The following PHACTR3 variants were observed in gnomAD, a reference collection of about 807,000 sequenced individuals.
PHACTR3 encodes the protein protein phosphatase 1, regulatory subunit 123.
A neutral mutation model predicts 66.8 loss-of-function variants in PHACTR3; 16 were observed. The observed-to-expected ratio is 0.24, with a 90% CI of 0.16 to 0.36. The LOEUF is 0.36. Among genes scored for constraint, PHACTR3 ranks in the 10% least tolerant of loss-of-function variants. The pLI is 1.00. For synonymous variants in PHACTR3, 323 were observed against 292.1 expected, an observed-to-expected ratio of 1.11 and a Z score of -1.08; for missense variants, 647 against 719.9, an observed-to-expected ratio of 0.90 and a Z score of 1.16.
At chr20:59,835,370 A>G (rs2042497404) in intron 8 of PHACTR3, among the ~76,000 whole-genome samples, 1 of 152,192 alleles carries the variant, frequency 6.6e-6, no homozygotes, top group Admixed American at 6.5e-5. Flanking sequence ...GGGGAGCAGA[A>G]CCACAAAGGG....
chr20:59,763,736 C>CAT (rs2040081946), intron 4 of PHACTR3, among the ~76,000 whole-genome samples: 1 of 152,124 alleles, frequency 6.6e-6, no homozygotes, highest in African/African-American at 2.4e-5. Context: ...CCTGGGGCAG[C>CAT]CCAGGTGGAC....
chr20:59,750,821 C>A, intron 3 of PHACTR3, among the ~76,000 whole-genome samples: 1 of 138,020 alleles, frequency 7.2e-6, no homozygotes, highest in Non-Finnish European at 1.6e-5. Context: ...TGTGTGCCAC[C>A]TGTAATCAAC....
At chr20:59,699,392 TA>T (rs1324239603) in intron 1 of PHACTR3, among the ~76,000 whole-genome samples, 2 of 152,192 alleles carry the variant, frequency 1.3e-5, no homozygotes, top group Non-Finnish European at 2.9e-5. Context: ...TTGTGACTCC[TA>T]AACCCTGGAC....
At chr20:59,794,408 T>G (rs926252242) in intron 7 of PHACTR3, among the ~76,000 whole-genome samples, 6 of 152,212 alleles carry the variant, frequency 3.9e-5, no homozygotes, top group African/African-American at 1.4e-4. Context: ...CTGATCATGT[T>G]GAAGGATCTT....
chr20:59,665,281 C>T (rs1372649492), intron 1 of PHACTR3, among the ~76,000 whole-genome samples: 2 of 152,150 alleles, frequency 1.3e-5, no homozygotes, highest in African/African-American at 4.8e-5. Flanking sequence ...TTCTCAGACA[C>T]GAATGTCTGC....
rs2036866469 is a variant in PHACTR3, at chr20:59,686,527, A to G, written c.119-56580A>G. ...GATGGTGGTGATGATTGTGATGTTG[A>G]TGGTGATGATGATGGTCGTGATGAT... On this transcript the variant is annotated intron_variant, in intron 1 of 12. Transcript: ENST00000371015. 2.0e-5 allele frequency among the ~76,000 whole-genome samples: 3 copies of G among 151,718 alleles called. 1 individual carries two copies. Among genetic ancestry groups the G allele is most frequent in the Admixed American group, 6.6e-5 (1 of 15,232 alleles).
At chr20:59,587,250 G>A (rs542161865) in intron 1 of PHACTR3, among the ~76,000 whole-genome samples, 1 of 152,348 alleles carries the variant, frequency 6.6e-6, no homozygotes, top group African/African-American at 2.4e-5. Context: ...TGTTGGATAT[G>A]AGCGCACCTT....
At chr20:59,742,094 A>G (rs1264914083) in intron 1 of PHACTR3, among the ~76,000 whole-genome samples, 1 of 152,208 alleles carries the variant, frequency 6.6e-6, no homozygotes, top group African/African-American at 2.4e-5. Flanking sequence ...GGGCCCACAG[A>G]CATTTTCTCT....
At chr20:59,613,258 A>C (rs1488410149) in intron 1 of PHACTR3, among the ~76,000 whole-genome samples, 1 of 152,250 alleles carries the variant, frequency 6.6e-6, no homozygotes, top group Non-Finnish European at 1.5e-5. Context: ...CTTCCACCAG[A>C]AGTCCAGACA....
At chr20:59,832,606 G>GCACGC (rs1378398720) in intron 8 of PHACTR3, among the ~76,000 whole-genome samples, 3 of 152,128 alleles carry the variant, frequency 2.0e-5, no homozygotes, top group Non-Finnish European at 2.9e-5. Context: ...TCTAGTCCTG[G>GCACGC]CACGCCCACA....
intron 1 of PHACTR3, among the ~76,000 whole-genome samples, chr20:59,630,222 C>G (rs1007115701): frequency 2.0e-5 from 3 of 151,870 alleles, no homozygotes; most frequent in African/African-American, 4.8e-5. Flanking sequence ...TCACTCTGTC[C>G]CCCAGGCTGG....
rs368795018 is a variant in PHACTR3 at position 59,696,775 on chromosome 20, G to A, written c.119-46332G>A. On this transcript the variant is annotated intron_variant, in intron 1 of 12. Transcript: ENST00000371015. ...CAGCATTTGACCATTTGAGGCTGAT[G>A]GACCCTGGGTGGCAGGGCCTCGGCT... 1.9e-4 allele frequency among the ~76,000 whole-genome samples: 29 copies of A among 152,252 alleles called. No individual in the cohort carries two copies. In the East Asian group the frequency reaches 2.5e-3, roughly 13 times the overall value.
intron 1 of PHACTR3, among the ~76,000 whole-genome samples, chr20:59,741,099 G>A (rs1015614190): frequency 1.3e-5 from 2 of 152,204 alleles, no homozygotes; most frequent in East Asian, 3.9e-4. Context: ...TCTGACAAAG[G>A]TGACCTCCTT....
chr20:59,627,959 A>C (rs6064818), intron 1 of PHACTR3: 94,364 of 151,874 alleles, frequency 0.62, 29,476 homozygotes, highest in African/African-American at 0.65. Context: ...CTGTGTATCT[A>C]TCGTCTCTCT....
chr20:59,792,360 G>C (rs2146959860), intron 7 of PHACTR3, among the ~76,000 whole-genome samples: 1 of 152,306 alleles, frequency 6.6e-6, no homozygotes, highest in Non-Finnish European at 1.5e-5. Flanking sequence ...TCATGTGGTA[G>C]GTTTTTAACT....
Position 59,618,235 on chromosome 20 carries a change from G to T in PHACTR3, c.118+13103G>T, listed in dbSNP as rs112438853. ...AGTATGGCGGGATGGGGCTGCAGGG[G>T]AGCTGGGAGCCAGACGGTTGGGGCC... On this transcript the variant is annotated intron_variant, in intron 1 of 12. Coordinates refer to ENST00000371015, the MANE Select transcript of PHACTR3 (RefSeq NM_080672.5). 2.7e-3 allele frequency among the ~76,000 whole-genome samples: 409 copies of T among 152,346 alleles called. 2 individuals are homozygous for T. The highest frequency in any genetic ancestry group is 9.1e-3 in the African/African-American group (379 of 41,586).
intron 7 of PHACTR3, among the ~76,000 whole-genome samples, chr20:59,800,898 C>G (rs965725208): frequency 4.6e-5 from 7 of 151,196 alleles, no homozygotes; most frequent in Non-Finnish European, 7.3e-5. Context: ...CAACAGCTAA[C>G]TCCCATTCCA....
chr20:59,785,467 G>A (rs781564007), intron 7 of PHACTR3, among the ~76,000 whole-genome samples: 15 of 152,224 alleles, frequency 9.9e-5, no homozygotes, highest in Non-Finnish European at 1.8e-4. Flanking sequence ...ATCATAATGT[G>A]GGAGACTGAG....
At chr20:59,779,629 T>C (rs2040655438) in intron 7 of PHACTR3, among the ~76,000 whole-genome samples, 1 of 152,268 alleles carries the variant, frequency 6.6e-6, no homozygotes, top group South Asian at 2.1e-4. Context: ...CTCTTTCCCC[T>C]GTTGAGGGAG....
Sources: allele counts gnomAD v4.1 joint callset (sites outside exome capture counted in the v4.1 genomes callset), GRCh38; gene constraint gnomAD v4.1.1; transcripts MANE v1.5; gene names NCBI Gene and HGNC (gene_info 2026-07-23, HGNC 2026-07-21).